WDR91: variants seen among roughly 807,000 people sequenced by gnomAD.
WDR91 encodes the protein WD repeat domain 91.
WDR91 carries 52 observed loss-of-function variants against 88.4 expected under a neutral mutation model. That is an observed-to-expected ratio of 0.59 (90% CI 0.47 to 0.74). The LOEUF (loss-of-function observed/expected upper bound fraction) is 0.74, where lower values mean the gene tolerates loss of function less well. WDR91 is among the 30% of genes least tolerant of loss of function. WDR91 has a pLI of 0.00. For missense variants in WDR91, 824 were observed against 954.5 expected, an observed-to-expected ratio of 0.86 and a Z score of 1.80; for synonymous variants, 362 against 389.5, an observed-to-expected ratio of 0.93 and a Z score of 0.83.
rs367877858 is a variant in WDR91, at chr7:135,187,011, G to A, written c.2040C>T (p.Tyr680=). 11 of 1,614,110 alleles carry A rather than the reference G, an allele frequency of 6.8e-6. No individual in the cohort carries two copies. The East Asian group carries it at 1.1e-4, about 16-fold the overall frequency. Residue 680 remains tyrosine (Y), a synonymous_variant, in exon 14 of 15, where the codon TAC becomes TAT. Coordinates refer to ENST00000354475, the MANE Select transcript of WDR91 (RefSeq NM_014149.4). Reference sequence around the variant, plus strand: ...CGCCTGTGGCAGAACATGTCAGCATGTAATTTCCCTCCGAGTCAAAAGCGA... The same window carrying A: ...CGCCTGTGGCAGAACATGTCAGCATATAATTTCCCTCCGAGTCAAAAGCGA... ...RLFAFDSEGN[Y]MLTCSATGGV...
chr7:135,211,287 G>C, intron 1 of WDR91, 93 bp downstream of exon 1: 1 of 1,478,130 alleles, frequency 6.8e-7, no homozygotes, highest in East Asian at 2.6e-5. Flanking sequence ...GAGTGACAGC[G>C]CCGCTCTCGC....
Position 135,206,422 on chromosome 7 carries a change from AAAAC to A in WDR91, c.595-368_595-365del, listed in dbSNP as rs1251037267. Among the ~76,000 whole-genome samples the A allele has an allele frequency of 5.0e-3, 267 of 53,820 alleles. 1 individual carries two copies. The highest frequency in any genetic ancestry group is 0.01 in the African/African-American group (199 of 19,068). 35.3% of individuals were successfully genotyped at this position (53,820 alleles called of 152,430 possible). On this transcript the variant is annotated intron_variant, in intron 4 of 14. Coordinates refer to ENST00000354475, the MANE Select transcript of WDR91 (RefSeq NM_014149.4). ...CTGACTCTGGAATGGAAAAAAAAAA[AAAAC>A]CTGTTAATGAACTACAGCGTTTTTA...
rs1441982144 is a variant in WDR91, at chr7:135,198,084, G to C, written c.959C>G (p.Thr320Ser). ...DGKSLLSGLA[T>S]GESGWSQHRQ... ...GTGCTGTGACCAACCGGACTCCCCA[G>C]TGGCCAGCCCGCTGAGGAGGCTCTT... Residue 320 changes from threonine (T) to serine (S), a missense_variant, in exon 7 of 15, where the codon ACT becomes AGT. By Grantham distance (58) the Thr-to-Ser change is moderately conservative. Coordinates refer to ENST00000354475, the MANE Select transcript of WDR91 (RefSeq NM_014149.4). 6.2e-7 allele frequency: 1 copy of C among 1,614,146 alleles called. No homozygotes were observed. Among genetic ancestry groups the C allele is most frequent in the African/African-American group, 1.3e-5 (1 of 75,062 alleles).
intron 6 of WDR91, among the ~76,000 whole-genome samples, chr7:135,203,259 G>A (rs1831637038): frequency 6.6e-6 from 1 of 152,196 alleles, no homozygotes; most frequent in Admixed American, 6.5e-5. Flanking sequence ...GCCTGAGGCA[G>A]ACCCCTACCT....
At chr7:135,199,865 C>T (rs369300106) in intron 6 of WDR91, 1 of 152,174 alleles carries the variant, frequency 6.6e-6, no homozygotes, top group Non-Finnish European at 1.5e-5. Context: ...GAGGAGGCTT[C>T]GAATTCCTCT....
chr7:135,207,790 G>A (rs1207656046), intron 3 of WDR91, among the ~76,000 whole-genome samples: 1 of 152,226 alleles, frequency 6.6e-6, no homozygotes, highest in Non-Finnish European at 1.5e-5. Flanking sequence ...CAGTTAGGAG[G>A]AGCACAGAGC....
chr7:135,207,400 ATTTCATTCGGACAGAT>A, intron 3 of WDR91, 198 bp from the exon 4 acceptor site: 1 of 585,054 alleles, frequency 1.7e-6, no homozygotes, highest in Non-Finnish European at 3.3e-6. Flanking sequence ...GTCTGGCCTC[ATTTCATTCGGACAGAT>A]TCACAGACGC....
Position 135,193,656 on chromosome 7 carries a change from C to G in WDR91, c.1412G>C (p.Gly471Ala). The change falls in exon 10 of 15, where the codon GGT (glycine) becomes GCT (alanine). Residue 471 changes from glycine (G) to alanine (A), a missense_variant. Transcript: ENST00000354475. ...GTCATAGAGACGCACTGTTCCCACA[C>G]CACTGCCCAGCAAGAGCTGGAATGA... ...KRDRLLLLGSGVGTVRLYDTE... is the reference protein window; with the variant it reads ...KRDRLLLLGSAVGTVRLYDTE... The G allele has an allele frequency of 6.2e-7, 1 of 1,614,084 alleles. No individual in the cohort carries two copies. Among genetic ancestry groups the G allele is most frequent in the Non-Finnish European group, 8.5e-7 (1 of 1,179,990 alleles).
At chr7:135,188,604 C>CTT in intron 12 of WDR91, 59 bp from the exon 13 acceptor site, 2 of 1,418,062 alleles carry the variant, frequency 1.4e-6, no homozygotes, top group Non-Finnish European at 2.0e-6. Flanking sequence ...AAGGAATCTG[C>CTT]CTGCAGCAGG....
chr7:135,206,080 T>A (rs1831766723), intron 4 of WDR91, 22 bp from the exon 5 acceptor site: 1 of 1,613,892 alleles, frequency 6.2e-7, no homozygotes, highest in African/African-American at 1.3e-5. Flanking sequence ...TGGGACTGAG[T>A]TAGCCAATGA....
chr7:135,196,146 G>A lies in WDR91; in HGVS notation c.1242C>T (p.Cys414=). Residue 414 remains cysteine (C), a splice_region_variant and synonymous_variant, in exon 8 of 15, where the codon TGC becomes TGT. Coordinates refer to ENST00000354475, the MANE Select transcript of WDR91 (RefSeq NM_014149.4). This position sits in a 1 kb window ranked among gnomAD's most constrained non-coding sequence, Gnocchi z 4.2. ...YGEHHSSIMH[C]RVDCSGRRVA... Reference sequence around the variant, plus strand: ...CCTTGGCCCCAGGCCCAACCCACCTGCAGTGCATGATGGATGAGTGGTGTT... The same window carrying A: ...CCTTGGCCCCAGGCCCAACCCACCTACAGTGCATGATGGATGAGTGGTGTT... 1 of 1,526,556 alleles carries A rather than the reference G, an allele frequency of 6.6e-7. No homozygotes were observed. Among genetic ancestry groups the A allele is most frequent in the South Asian group, 1.3e-5 (1 of 79,580 alleles). 94.6% of individuals were successfully genotyped at this position (1,526,556 alleles called of 1,614,324 possible). A position where few individuals can be genotyped will look rare whatever the true frequency, so the allele number is the denominator to read the frequency against.
At position 135,196,425 on chromosome 7, in the gene WDR91, A is replaced by G. The variant is rs1831377025; in HGVS notation, c.1051-88T>C. On this transcript the variant is annotated intron_variant, in intron 7 of 14. Coordinates refer to ENST00000354475, the MANE Select transcript of WDR91 (RefSeq NM_014149.4). The surrounding 1 kb of genome is among the most constrained non-coding windows in gnomAD (Gnocchi z 4.2). ...CGCAGGGGGTCTAGGCCTAGGCTGC[A>G]GCATTTTGCGGGGTTCTCGGTAATT... is the stretch of plus-strand genomic sequence containing the variant. The G allele has an allele frequency of 8.4e-6, 11 of 1,303,994 alleles. No individual in the cohort carries two copies. The highest frequency in any genetic ancestry group is 1.1e-5 in the Non-Finnish European group (11 of 985,234). 80.8% of individuals were successfully genotyped at this position (1,303,994 alleles called of 1,614,324 possible).
intron 7 of WDR91, chr7:135,197,201 G>GC (rs1335622423): frequency 6.6e-6 from 1 of 152,204 alleles, no homozygotes; most frequent in East Asian, 1.9e-4. Flanking sequence ...GCTCTGGGTG[G>GC]CCCCCAAGTG....
chr7:135,188,309 T>C lies in WDR91; in HGVS notation c.1881+124A>G, dbSNP rs929817952. On this transcript the variant is annotated intron_variant, in intron 13 of 14. Transcript: ENST00000354475. Reference sequence around the variant, plus strand: ...ACGAATTACTAGTTTATCCCTATTCTACAGATAACAAAGCTGCAAAAAGAG... The same window carrying C: ...ACGAATTACTAGTTTATCCCTATTCCACAGATAACAAAGCTGCAAAAAGAG... 1.6e-4 allele frequency: 117 copies of C among 730,932 alleles called. No individual in the cohort carries two copies. In the African/African-American group the frequency reaches 1.9e-3, roughly 12 times the overall value. The allele number at this position is 730,932 out of a possible 1,614,324, so 45.3% of individuals were successfully genotyped here. A position where few individuals can be genotyped will look rare whatever the true frequency, so the allele number is the denominator to read the frequency against.
At chr7:135,205,791 C>T (rs1359269327) in intron 5 of WDR91, 137 bp downstream of exon 5, 26 of 1,255,888 alleles carry the variant, frequency 2.1e-5, no homozygotes, top group Non-Finnish European at 2.9e-5. Context: ...CAAGCAAGAG[C>T]AGTGTGTGCC....
chr7:135,188,563 G>T lies in WDR91; in HGVS notation c.1769-18C>A. 2 of 1,601,748 alleles carry T rather than the reference G, an allele frequency of 1.2e-6. No individual in the cohort carries two copies. Among genetic ancestry groups the T allele is most frequent in the Non-Finnish European group, 1.7e-6 (2 of 1,171,000 alleles). ...CTGCATGTCTGAGGCAATGAGACAC[G>T]GCCACTCACATCCTGGCCAGGGCTC... On this transcript the variant is annotated intron_variant, in intron 12 of 14. Transcript: ENST00000354475.
At chr7:135,189,292 T>A in intron 12 of WDR91, 52 bp downstream of exon 12, 2 of 1,544,978 alleles carry the variant, frequency 1.3e-6, no homozygotes, top group Non-Finnish European at 1.8e-6. Flanking sequence ...GCAAAAAAAA[T>A]TGCCTGGGAA....
chr7:135,210,990 C>T, intron 1 of WDR91: 3 of 687,514 alleles, frequency 4.4e-6, no homozygotes, highest in Non-Finnish European at 8.0e-6. Flanking sequence ...ACGTTTTGGA[C>T]TGCAGACTTC....
chr7:135,191,543 T>C (rs1189286843), intron 11 of WDR91, among the ~76,000 whole-genome samples: 1 of 145,166 alleles, frequency 6.9e-6, no homozygotes, highest in Non-Finnish European at 1.5e-5. Flanking sequence ...AGGCGGATGT[T>C]GTGCTGAGCA....
Sources: allele counts gnomAD v4.1 joint callset (sites outside exome capture counted in the v4.1 genomes callset), GRCh38; gene constraint gnomAD v4.1.1; non-coding constraint Gnocchi (gnomAD v3.1); transcripts MANE v1.5; gene names NCBI Gene and HGNC (gene_info 2026-07-23, HGNC 2026-07-21).